Variants in ABCC5 observed in about 807,000 individuals in gnomAD.
ABCC5 encodes ATP-binding cassette sub-family C member 5.
In ABCC5, 61 loss-of-function variants were observed where a neutral mutation model predicts 160.9. That is an observed-to-expected ratio of 0.38 (90% CI 0.31 to 0.47). The LOEUF (loss-of-function observed/expected upper bound fraction) is 0.47. ABCC5 is among the 20% of genes least tolerant of loss of function. ABCC5 has a pLI of 0.99. For synonymous variants in ABCC5, 666 were observed against 700.6 expected (o/e 0.95, Z 0.78); for missense variants, 1,308 against 1,813.3 (o/e 0.72, Z 5.06).
At chr3:183,955,544 G>A (rs1230127671) in intron 17 of ABCC5, among the ~76,000 whole-genome samples, 1 of 152,244 alleles carries the variant, frequency 6.6e-6, no homozygotes, top group East Asian at 1.9e-4. Context: ...TCATTTGCAA[G>A]AGAAACAGCT....
intron 8 of ABCC5, among the ~76,000 whole-genome samples, chr3:183,978,932 G>T (rs933644988): frequency 1.3e-5 from 2 of 152,206 alleles, no homozygotes; most frequent in Admixed American, 1.3e-4. Context: ...GAGAAGGAAT[G>T]AACACATTAA....
chr3:183,952,616 C>A (rs985495041), intron 18 of ABCC5, among the ~76,000 whole-genome samples: 1 of 152,182 alleles, frequency 6.6e-6, no homozygotes, highest in Admixed American at 6.5e-5. Flanking sequence ...CTCATGAGAT[C>A]TGACAGTTTA....
At chr3:183,956,196 C>T (rs1172684492) in intron 17 of ABCC5, among the ~76,000 whole-genome samples, 1 of 144,416 alleles carries the variant, frequency 6.9e-6, no homozygotes. Context: ...GTGTAAATCA[C>T]ATCGGTTACA....
intron 26 of ABCC5, among the ~76,000 whole-genome samples, chr3:183,932,379 G>A (rs998372576): frequency 1.3e-5 from 2 of 152,074 alleles, no homozygotes; most frequent in South Asian, 2.1e-4. Flanking sequence ...TTCTTTTTTC[G>A]TTTTTGAGAT....
intron 15 of ABCC5, 51 bp from the exon 16 acceptor site, chr3:183,961,705 C>T (rs765021786): frequency 6.2e-7 from 1 of 1,604,502 alleles, no homozygotes; most frequent in East Asian, 2.2e-5. Flanking sequence ...CAAATACATT[C>T]AAAAACCCAT....
chr3:183,970,911 T>C (rs1717679178), intron 11 of ABCC5, among the ~76,000 whole-genome samples: 1 of 152,226 alleles, frequency 6.6e-6, no homozygotes, highest in Admixed American at 6.5e-5. Flanking sequence ...TGGAGTTTGA[T>C]ACTCATGAAA....
Position 183,949,921 on chromosome 3 carries a change from G to A in ABCC5, c.3099-40C>T, listed in dbSNP as rs1446502029. ...AGCTCCGTGTCACAGCACCTACCCA[G>A]CAACTGAGGCTTCTCCGTGGCCCCA... is the stretch of plus-strand genomic sequence containing the variant. On this transcript the variant is annotated intron_variant, in intron 21 of 29. Transcript: ENST00000334444. This position sits in a 1 kb window ranked among gnomAD's most constrained non-coding sequence, Gnocchi z 4.2. 1.2e-6 allele frequency: 2 copies of A among 1,614,032 alleles called. No individual in the cohort carries two copies. The highest frequency in any genetic ancestry group is 1.7e-5 in the Admixed American group (1 of 60,012).
chr3:183,984,196 A>G, intron 5 of ABCC5: 1 of 985,640 alleles, frequency 1.0e-6, no homozygotes, highest in Non-Finnish European at 1.2e-6. Flanking sequence ...TCTGCTCGGG[A>G]CAGAATAAAA....
intron 10 of ABCC5, among the ~76,000 whole-genome samples, chr3:183,975,203 A>T (rs978948449): frequency 6.6e-6 from 1 of 152,222 alleles, no homozygotes; most frequent in African/African-American, 2.4e-5. Flanking sequence ...CGTACTCAGA[A>T]ACATAATAAA....
At chr3:183,930,968 G>C (rs376474011) in intron 26 of ABCC5, among the ~76,000 whole-genome samples, 5 of 152,182 alleles carry the variant, frequency 3.3e-5, no homozygotes, top group East Asian at 3.8e-4. Context: ...GGGAGCCCCG[G>C]TGGATGCCTC....
In ABCC5 at chr3:184,004,740, A is replaced by G. The variant is rs1721041057; in HGVS notation, c.129+9524T>C. 2.0e-5 allele frequency among the ~76,000 whole-genome samples: 3 copies of G among 152,142 alleles called. No homozygotes were observed. In the South Asian group the frequency reaches 6.2e-4, roughly 32 times the overall value. On this transcript the variant is annotated intron_variant, in intron 2 of 29. Transcript: ENST00000334444. ...TGAGACACAACATTTAAGAAAACTA[A>G]GTGACTGCTCAATATCATACCTGCA...
chr3:183,947,191 A>G, intron 23 of ABCC5, 133 bp downstream of exon 23: 1 of 989,588 alleles, frequency 1.0e-6, no homozygotes, highest in Non-Finnish European at 1.4e-6. Flanking sequence ...GTCAAATCAG[A>G]CCATGAGCAA....
At chr3:183,975,166 C>G (rs1249739882) in intron 10 of ABCC5, among the ~76,000 whole-genome samples, 1 of 151,986 alleles carries the variant, frequency 6.6e-6, no homozygotes, top group African/African-American at 2.4e-5. Flanking sequence ...TAGATGGTCC[C>G]CCAAGATTGA....
At chr3:183,984,165 A>T in intron 5 of ABCC5, 1 of 985,496 alleles carries the variant, frequency 1.0e-6, no homozygotes, top group Non-Finnish European at 1.2e-6. Flanking sequence ...CTACTGGTGC[A>T]CTAAGTTGTG....
chr3:183,978,541 C>T lies in ABCC5; in HGVS notation c.1258G>A (p.Val420Ile). The change falls in exon 9 of 30, where the codon GTT (valine) becomes ATT (isoleucine). Residue 420 changes from valine to isoleucine, a missense_variant. Coordinates refer to ENST00000334444, the MANE Select transcript of ABCC5 (RefSeq NM_005688.4). Reference protein sequence around the residue: ...VVIASVVTFSVHMTLGFDLTA... With the variant: ...VVIASVVTFSIHMTLGFDLTA... The stretch of plus-strand genomic sequence containing the variant: ...AGATCGAAGCCCAGGGTCATATGAA[C>T]AGAGAAGGTCACCACGCTGGCAATC... 6.2e-7 allele frequency: 1 copy of T among 1,614,134 alleles called. No individual in the cohort carries two copies. Among genetic ancestry groups the T allele is most frequent in the Non-Finnish European group, 8.5e-7 (1 of 1,180,020 alleles).
intron 9 of ABCC5, among the ~76,000 whole-genome samples, chr3:183,978,296 A>G (rs960676340): frequency 3.4e-5 from 5 of 148,740 alleles, no homozygotes; most frequent in Non-Finnish European, 7.4e-5. Flanking sequence ...GGACCACAGC[A>G]TCATCTCCAT....
chr3:183,957,883 TG>T, intron 17 of ABCC5, among the ~76,000 whole-genome samples: 2 of 119,970 alleles, frequency 1.7e-5, no homozygotes, highest in Non-Finnish European at 3.7e-5. Context: ...CGGATCCGTG[TG>T]TATATCACAT....
rs368763440 is a variant in ABCC5, at chr3:183,925,735, A to C, written c.4048-16T>G. The C allele has an allele frequency of 1.2e-4, 196 of 1,607,226 alleles. No individual in the cohort carries two copies. The highest frequency in any genetic ancestry group is 1.6e-4 in the Non-Finnish European group (183 of 1,177,998). On this transcript the variant is annotated splice_polypyrimidine_tract_variant and intron_variant, in intron 28 of 29. Coordinates refer to ENST00000334444, the MANE Select transcript of ABCC5 (RefSeq NM_005688.4). ...AAATCAGAATCTGCCAGAGAAGCAG[A>C]GGAGAAAGAAACTCGATTAAATTCC...
intron 18 of ABCC5, among the ~76,000 whole-genome samples, chr3:183,952,396 C>T (rs528567795): frequency 4.6e-5 from 7 of 152,284 alleles, no homozygotes; most frequent in African/African-American, 1.7e-4. Flanking sequence ...ATCCACCTGC[C>T]TTGGCCTCTC....
Sources: allele counts gnomAD v4.1 joint callset (sites outside exome capture counted in the v4.1 genomes callset), GRCh38; gene constraint gnomAD v4.1.1; non-coding constraint Gnocchi (gnomAD v3.1); transcripts MANE v1.5; gene names NCBI Gene and HGNC (gene_info 2026-07-23, HGNC 2026-07-21).